The following F13A1 variants were observed in gnomAD, a reference collection of about 807,000 sequenced individuals.
The protein encoded by F13A1 is coagulation factor XIII A chain.
Under a neutral mutation model 80.1 loss-of-function variants are expected in F13A1, and 47 were observed. The observed-to-expected ratio is 0.59, with a 90% CI of 0.46 to 0.75. The LOEUF (loss-of-function observed/expected upper bound fraction) is 0.75, where lower values mean the gene tolerates loss of function less well. F13A1 is among the 30% of genes least tolerant of loss of function. F13A1 has a pLI of 0.00. For missense variants in F13A1, 817 were observed against 930.4 expected, an observed-to-expected ratio of 0.88 and a Z score of 1.59; for synonymous variants, 349 against 344.9, an observed-to-expected ratio of 1.01 and a Z score of -0.13.
chr6:6,187,152 C>T (rs922449711), intron 10 of F13A1, among the ~76,000 whole-genome samples: 3 of 124,816 alleles, frequency 2.4e-5, no homozygotes, highest in African/African-American at 9.8e-5. Flanking sequence ...TCTAGATATA[C>T]AATCATGTCA....
At chr6:6,305,173 A>C in intron 3 of F13A1, 178 bp downstream of exon 3, 1 of 720,184 alleles carries the variant, frequency 1.4e-6, no homozygotes, top group Non-Finnish European at 2.5e-6. Context: ...CAAGTTATCA[A>C]TATTTGGCAC....
At chr6:6,289,642 C>T (rs906031551) in intron 3 of F13A1, among the ~76,000 whole-genome samples, 7 of 152,038 alleles carry the variant, frequency 4.6e-5, no homozygotes, top group African/African-American at 7.3e-5. Flanking sequence ...ATTTATCTTC[C>T]ACACTTCTGC....
chr6:6,205,486 C>G (rs990813808), intron 8 of F13A1, among the ~76,000 whole-genome samples: 1 of 152,230 alleles, frequency 6.6e-6, no homozygotes. Context: ...GAGTACTGAA[C>G]AAATTTCCAT....
At chr6:6,262,343 C>T (rs974194014) in intron 4 of F13A1, among the ~76,000 whole-genome samples, 3 of 152,256 alleles carry the variant, frequency 2.0e-5, no homozygotes. Flanking sequence ...AAGGTCTGGG[C>T]ATTCACAGAT....
At chr6:6,231,216 T>C (rs1033723638) in intron 6 of F13A1, among the ~76,000 whole-genome samples, 7 of 152,078 alleles carry the variant, frequency 4.6e-5, no homozygotes, top group African/African-American at 1.7e-4. Context: ...AGGAAATAGA[T>C]AGCTTAAAGA....
chr6:6,236,954 A>G (rs780825075), intron 6 of F13A1, among the ~76,000 whole-genome samples: 3 of 152,070 alleles, frequency 2.0e-5, no homozygotes, highest in Non-Finnish European at 4.4e-5. Flanking sequence ...TCACAGGTGG[A>G]AGTGGTGTGG....
intron 8 of F13A1, among the ~76,000 whole-genome samples, chr6:6,207,321 C>A (rs1761514651): frequency 6.6e-6 from 1 of 152,164 alleles, no homozygotes; most frequent in Admixed American, 6.5e-5. Flanking sequence ...CTGAAAAGCT[C>A]CATTCTCAGG....
chr6:6,211,877 G>A (rs1403405579), intron 8 of F13A1, among the ~76,000 whole-genome samples: 1 of 152,228 alleles, frequency 6.6e-6, no homozygotes, highest in Non-Finnish European at 1.5e-5. Flanking sequence ...AAGCGCAAGG[G>A]GTCAGGGAGT....
intron 6 of F13A1, among the ~76,000 whole-genome samples, chr6:6,226,558 C>A (rs1757278483): frequency 6.6e-6 from 1 of 152,182 alleles, no homozygotes; most frequent in Non-Finnish European, 1.5e-5. Context: ...CACCAACTAA[C>A]AACTCAGCCT....
rs145587711 is a variant in F13A1 at position 6,290,425 on chromosome 6, C to T, written c.319+14926G>A. Among the ~76,000 whole-genome samples the T allele has an allele frequency of 1.4e-3, 214 of 152,190 alleles. 2 individuals are homozygous for T. The highest frequency in any genetic ancestry group is 3.0e-3 in the Admixed American group (46 of 15,282). Reference sequence around the variant, plus strand: ...AGCATTTCCTGGAATGAGTTCTGCACCTTATTCAATGGTATTATAAAAATA... The same window carrying T: ...AGCATTTCCTGGAATGAGTTCTGCATCTTATTCAATGGTATTATAAAAATA... On this transcript the variant is annotated intron_variant, in intron 3 of 14. Coordinates refer to ENST00000264870, the MANE Select transcript of F13A1 (RefSeq NM_000129.4).
intron 2 of F13A1, among the ~76,000 whole-genome samples, chr6:6,306,191 G>A (rs971122521): frequency 6.6e-5 from 10 of 152,206 alleles, no homozygotes; most frequent in Non-Finnish European, 1.5e-4. Flanking sequence ...ATTGTTTTCA[G>A]TGACACAGAA....
chr6:6,172,492 C>A (rs1760794302), intron 12 of F13A1, among the ~76,000 whole-genome samples: 1 of 150,600 alleles, frequency 6.6e-6, no homozygotes, highest in Non-Finnish European at 1.5e-5. Flanking sequence ...GTCCCCCAGG[C>A]TGGAGTGCAG....
Position 6,243,554 on chromosome 6 carries a change from G to T in F13A1, c.798+4758C>A, listed in dbSNP as rs966244567. Among the ~76,000 whole-genome samples, 1 of 152,126 alleles carries T rather than the reference G, an allele frequency of 6.6e-6. No homozygotes were observed. Among genetic ancestry groups the T allele is most frequent in the Non-Finnish European group, 1.5e-5 (1 of 68,022 alleles). Reference sequence around the variant, plus strand: ...CCCTTGGGGCTCTCTTCTTTTCTAGGAAATGGCAATTCAATCTTACATAAT... The same window carrying T: ...CCCTTGGGGCTCTCTTCTTTTCTAGTAAATGGCAATTCAATCTTACATAAT... On this transcript the variant is annotated intron_variant, in intron 6 of 14. Transcript: ENST00000264870. The surrounding 1 kb of genome is among the most constrained non-coding windows in gnomAD (Gnocchi z 4.2).
At chr6:6,286,700 A>C (rs946648386) in intron 3 of F13A1, among the ~76,000 whole-genome samples, 5 of 152,248 alleles carry the variant, frequency 3.3e-5, no homozygotes, top group Admixed American at 6.5e-5. Context: ...CATGAGAGAC[A>C]GACAGAGAGG....
intron 11 of F13A1, among the ~76,000 whole-genome samples, chr6:6,175,450 A>G (rs1371000917): frequency 6.6e-6 from 1 of 151,858 alleles, no homozygotes; most frequent in Non-Finnish European, 1.5e-5. Context: ...TGCCCCCAAC[A>G]CCCATGCCAT....
chr6:6,252,098 C>T (rs929231459), intron 4 of F13A1, among the ~76,000 whole-genome samples: 3 of 151,818 alleles, frequency 2.0e-5, no homozygotes, highest in Non-Finnish European at 2.9e-5. Context: ...TTCATGACAC[C>T]GGGGGATGGA....
At chr6:6,266,920 T>C (rs957673389) in intron 3 of F13A1, 111 bp from the exon 4 acceptor site, 13 of 1,482,234 alleles carry the variant, frequency 8.8e-6, no homozygotes, top group Admixed American at 3.4e-5. Flanking sequence ...AGAATTATTC[T>C]TGACTTGAAG....
At chr6:6,192,678 C>T (rs895200095) in intron 10 of F13A1, among the ~76,000 whole-genome samples, 2 of 152,192 alleles carry the variant, frequency 1.3e-5, no homozygotes, top group African/African-American at 4.8e-5. Context: ...TATAAGAGAA[C>T]TGCTGGCCCA....
At chr6:6,198,982 C>T (rs1022869705) in intron 8 of F13A1, among the ~76,000 whole-genome samples, 4 of 152,114 alleles carry the variant, frequency 2.6e-5, no homozygotes, top group East Asian at 1.9e-4. Flanking sequence ...AAAGTTACAG[C>T]GGCATGAAAT....
Sources: allele counts gnomAD v4.1 joint callset (sites outside exome capture counted in the v4.1 genomes callset), GRCh38; gene constraint gnomAD v4.1.1; non-coding constraint Gnocchi (gnomAD v3.1); transcripts MANE v1.5; gene names NCBI Gene and HGNC (gene_info 2026-07-23, HGNC 2026-07-21).